ZNF444: variants seen among roughly 807,000 people sequenced by gnomAD.
The protein encoded by ZNF444 is endothelial zinc finger protein 2.
ZNF444 carries 8 observed loss-of-function variants against 14.4 expected under a neutral mutation model. The observed-to-expected ratio is 0.56, with a 90% CI of 0.33 to 1.00. The LOEUF is 1.00. Ranked by LOEUF, ZNF444 falls within the 50% of genes least tolerant of loss-of-function variation. The probability of loss-of-function intolerance (pLI) is 0.03; values close to 1 mark genes in which losing one functional copy is unlikely to be tolerated. For missense variants in ZNF444, 510 were observed against 504.8 expected (o/e 1.01, Z -0.10); for synonymous variants, 258 against 235.9 (o/e 1.09, Z -0.86).
chr19:56,142,686 G>C (rs770031119), intron 1 of ZNF444, among the ~76,000 whole-genome samples: 4 of 152,172 alleles, frequency 2.6e-5, no homozygotes, highest in Non-Finnish European at 4.4e-5. Flanking sequence ...CTCTTGAGAG[G>C]AAGGAGCTCT....
chr19:56,158,385 T>A (rs563370416), intron 3 of ZNF444, 109 bp from the exon 4 acceptor site: 1 of 1,050,384 alleles, frequency 9.5e-7, no homozygotes, highest in Non-Finnish European at 1.3e-6. Flanking sequence ...TGACTGTGGC[T>A]TCCTCCCAGC....
chr19:56,143,174 G>A (rs2030943583), intron 1 of ZNF444, among the ~76,000 whole-genome samples: 1 of 152,184 alleles, frequency 6.6e-6, no homozygotes, highest in African/African-American at 2.4e-5. Flanking sequence ...ATGGTGGAAG[G>A]CCCTTACTTA....
intron 3 of ZNF444, chr19:56,149,774 T>C (rs1291843900): frequency 6.6e-6 from 1 of 152,376 alleles, no homozygotes; most frequent in East Asian, 1.9e-4. Context: ...CCAAGGATGA[T>C]GGCGTCCAGT....
rs536095455 is a variant in ZNF444 at position 56,160,128 on chromosome 19, C to T, written c.911C>T (p.Ala304Val). The stretch of plus-strand genomic sequence containing the variant: ...CACCAGCGCATCCACGGCCGGGCAG[C>T]GGCCAGCGCGCAGGGGGCGGTAGCT... The part of the protein sequence containing the change: ...LRHQRIHGRA[A>V]ASAQGAVAPG... Residue 304 changes from alanine (A) to valine (V), a missense_variant, in exon 5 of 5, where the codon GCG becomes GTG. Coordinates refer to ENST00000337080, the MANE Select transcript of ZNF444 (RefSeq NM_018337.4). 6.5e-4 allele frequency: 970 copies of T among 1,482,556 alleles called. 1 individual carries two copies. The highest frequency in any genetic ancestry group is 8.1e-4 in the Non-Finnish European group (907 of 1,124,280). 91.8% of individuals were successfully genotyped at this position (1,482,556 alleles called of 1,614,324 possible).
intron 3 of ZNF444, among the ~76,000 whole-genome samples, chr19:56,152,067 C>T (rs1323925016): frequency 6.6e-6 from 1 of 152,142 alleles, no homozygotes; most frequent in Non-Finnish European, 1.5e-5. Context: ...CATGGTGGCT[C>T]ACGCCTGTCA....
chr19:56,148,970 C>T (rs1249899837), intron 3 of ZNF444, among the ~76,000 whole-genome samples: 2 of 152,162 alleles, frequency 1.3e-5, no homozygotes, highest in African/African-American at 4.8e-5. Flanking sequence ...CCGCATTCCT[C>T]GGCTCATGGC....
intron 3 of ZNF444, chr19:56,156,842 T>C (rs2031938709): frequency 6.6e-6 from 1 of 152,354 alleles, no homozygotes; most frequent in South Asian, 2.1e-4. Context: ...TGTCCCCGCA[T>C]GGGTGTGCCC....
chr19:56,155,651 G>A (rs1247443365), intron 3 of ZNF444: 1 of 152,438 alleles, frequency 6.6e-6, no homozygotes, highest in East Asian at 1.9e-4. Flanking sequence ...CCTGGGTACT[G>A]GTGTCATCTC....
In ZNF444 at chr19:56,160,293, C is replaced by T. The variant is rs899566911; in HGVS notation, c.*92C>T. 4 of 1,053,072 alleles carry T rather than the reference C, an allele frequency of 3.8e-6. No homozygotes were observed. Among genetic ancestry groups the T allele is most frequent in the South Asian group, 1.9e-5 (1 of 52,402 alleles). The allele number at this position is 1,053,072 out of a possible 1,614,324, so 65.2% of individuals were successfully genotyped here. On this transcript the variant is annotated 3_prime_UTR_variant, in exon 5 of 5. Transcript: ENST00000337080. The stretch of plus-strand genomic sequence containing the variant: ...GCGCCACTTGGCCTCTTCCTCTCCT[C>T]CTTCCCTCCCATCGTCCTCCTCCAC...
rs1339034095 is a variant in ZNF444, at chr19:56,150,539, G to A, written c.297+3331G>A. ...TTCTCCTATCAGTGTCCACACAGAC[G>A]GGAATAACACTGCCGTGAGTGATGG... is the stretch of plus-strand genomic sequence containing the variant. On this transcript the variant is annotated intron_variant, in intron 3 of 4. Transcript: ENST00000337080. 8.3e-5 allele frequency: 33 copies of A among 397,026 alleles called. No homozygotes were observed. In the East Asian group the frequency reaches 2.1e-3, roughly 26 times the overall value. 24.6% of individuals were successfully genotyped at this position (397,026 alleles called of 1,614,324 possible). A position where few individuals can be genotyped will look rare whatever the true frequency, so the allele number is the denominator to read the frequency against.
rs913310599 is a variant in ZNF444, at chr19:56,159,753, C to T, written c.536C>T (p.Thr179Met). The change falls in exon 5 of 5, where the codon ACG (threonine) becomes ATG (methionine). Residue 179 changes from threonine (T) to methionine (M), a missense_variant. By Grantham distance (81) the Thr-to-Met change is moderately conservative. Transcript: ENST00000337080. Reference protein sequence around the residue: ...LPAFLAAPGTTSCPECGKTSL... With the variant: ...LPAFLAAPGTMSCPECGKTSL... The stretch of plus-strand genomic sequence containing the variant: ...GCCTTCCTAGCGGCCCCGGGCACCA[C>T]GTCCTGCCCCGAGTGCGGCAAAACG... 3.8e-6 allele frequency: 6 copies of T among 1,590,018 alleles called. 1 individual carries two copies. Among genetic ancestry groups the T allele is most frequent in the East Asian group, 4.5e-5 (2 of 43,978 alleles).
Position 56,147,237 on chromosome 19 carries a change from A to G in ZNF444, c.297+29A>G. On this transcript the variant is annotated intron_variant, in intron 3 of 4. Coordinates refer to ENST00000337080, the MANE Select transcript of ZNF444 (RefSeq NM_018337.4). This position sits in a 1 kb window ranked among gnomAD's most constrained non-coding sequence, Gnocchi z 5.9. ...AGCCTGGCGGGACTGCAAGCGGGGA[A>G]GGGAGAGGGGAAGGTGCCAGGGAAG... 2.1e-6 allele frequency: 3 copies of G among 1,405,528 alleles called. No homozygotes were observed. Among genetic ancestry groups the G allele is most frequent in the South Asian group, 1.5e-5 (1 of 65,090 alleles). 87.1% of individuals were successfully genotyped at this position (1,405,528 alleles called of 1,614,324 possible).
intron 1 of ZNF444, among the ~76,000 whole-genome samples, chr19:56,134,404 T>G (rs2030564829): frequency 6.6e-6 from 1 of 152,108 alleles, no homozygotes; most frequent in African/African-American, 2.4e-5. Context: ...AGCCAGGAGC[T>G]GGGTACAGCA....
In ZNF444 at chr19:56,160,392, T is replaced by A. The variant is rs1484881636; in HGVS notation, c.*191T>A. 9.7e-6 allele frequency: 5 copies of A among 512,852 alleles called. No individual in the cohort carries two copies. The East Asian group carries it at 1.8e-4, about 19-fold the overall frequency. 31.8% of individuals were successfully genotyped at this position (512,852 alleles called of 1,614,324 possible). ...ACTCCTTTTCCCCCAAATTTCACTTTCCTTCTCAGGTCTCACCTCAGCCCC... is the reference window on the plus strand; with the variant it reads ...ACTCCTTTTCCCCCAAATTTCACTTACCTTCTCAGGTCTCACCTCAGCCCC... On this transcript the variant is annotated 3_prime_UTR_variant, in exon 5 of 5. Coordinates refer to ENST00000337080, the MANE Select transcript of ZNF444 (RefSeq NM_018337.4).
intron 3 of ZNF444, among the ~76,000 whole-genome samples, chr19:56,148,027 C>T (rs1336424097): frequency 6.7e-6 from 1 of 149,218 alleles, no homozygotes; most frequent in African/African-American, 2.5e-5. Context: ...AAGTTGCCAG[C>T]CTGGCTTAGA....
At chr19:56,158,747 C>T (rs536355020) in intron 4 of ZNF444, 145 bp downstream of exon 4, 65 of 685,196 alleles carry the variant, frequency 9.5e-5, no homozygotes, top group African/African-American at 9.4e-4. Flanking sequence ...ACCCAAGGGG[C>T]GGGCATTGGG....
At position 56,151,767 on chromosome 19, in the gene ZNF444, G is replaced by T. The variant is rs1190295853; in HGVS notation, c.297+4559G>T. 1.3e-5 allele frequency: 6 copies of T among 453,802 alleles called. No homozygotes were observed. In the Admixed American group the frequency reaches 1.4e-4, roughly 11 times the overall value. 28.1% of individuals were successfully genotyped at this position (453,802 alleles called of 1,614,324 possible). On this transcript the variant is annotated intron_variant, in intron 3 of 4. Transcript: ENST00000337080. The stretch of plus-strand genomic sequence containing the variant: ...GCTGACATCTGGGGGCATCTAGTGG[G>T]AGCTGACCGTGGTGTATAGACAGCT...
At chr19:56,140,528 C>T (rs370679484), upstream of ZNF444, among the ~76,000 whole-genome samples, 1 of 152,142 alleles carries the variant, frequency 6.6e-6, no homozygotes, top group Non-Finnish European at 1.5e-5. Flanking sequence ...GGGCGGTGTC[C>T]TGTCCAGGTT....
Position 56,144,922 on chromosome 19 carries a change from G to A in ZNF444, c.-196-1325G>A, listed in dbSNP as rs1047740706. Among the ~76,000 whole-genome samples the A allele has an allele frequency of 1.3e-5, 2 of 152,254 alleles. No homozygotes were observed. The highest frequency in any genetic ancestry group is 1.3e-4 in the Admixed American group (2 of 15,290). ...TGTCTTGATCTTCCAGTGTCCTTGAGGTCAGGGGCCGGCAGTCTTGTCCTG... is the reference window on the plus strand; with the variant it reads ...TGTCTTGATCTTCCAGTGTCCTTGAAGTCAGGGGCCGGCAGTCTTGTCCTG... On this transcript the variant is annotated intron_variant, in intron 1 of 4. Transcript: ENST00000337080. The surrounding 1 kb of genome is among the most constrained non-coding windows in gnomAD (Gnocchi z 4.0).
Sources: gnomAD v4.1 joint callset for allele counts (sites outside exome capture counted in the v4.1 genomes callset) on GRCh38, gnomAD v4.1.1 for gene constraint, Gnocchi (gnomAD v3.1) non-coding constraint, MANE v1.5 for transcripts, NCBI Gene and HGNC (gene_info 2026-07-23, HGNC 2026-07-21) for gene names.